Variants in PPP1R12B observed in about 807,000 individuals in gnomAD.
PPP1R12B encodes protein phosphatase 1 regulatory subunit 12B.
PPP1R12B carries 76 observed loss-of-function variants against 126.1 expected under a neutral mutation model. The observed-to-expected ratio is 0.60, with a 90% confidence interval of 0.50 to 0.73. The LOEUF is 0.73. Among genes scored for constraint, PPP1R12B ranks in the 30% least tolerant of loss-of-function variants. PPP1R12B has a pLI of 0.00. For synonymous variants in PPP1R12B, 356 were observed against 434.7 expected (o/e 0.82, Z 2.25); for missense variants, 1,052 against 1,205.1 (o/e 0.87, Z 1.88).
intron 8 of PPP1R12B, among the ~76,000 whole-genome samples, chr1:202,433,174 C>G (rs1484014476): frequency 2.0e-5 from 3 of 152,164 alleles, no homozygotes; most frequent in Non-Finnish European, 4.4e-5. Context: ...AAATGTTCAT[C>G]TTTTTGATAT....
intron 18 of PPP1R12B, among the ~76,000 whole-genome samples, chr1:202,512,208 CT>C (rs1681606574): frequency 6.6e-6 from 1 of 152,192 alleles, no homozygotes; most frequent in African/African-American, 2.4e-5. Context: ...TGTTGAATCT[CT>C]TGTTGTGAAA....
At chr1:202,359,110 T>C (rs1011500638) in intron 1 of PPP1R12B, among the ~76,000 whole-genome samples, 1 of 152,172 alleles carries the variant, frequency 6.6e-6, no homozygotes, top group Non-Finnish European at 1.5e-5. Flanking sequence ...TCCAGTATAC[T>C]GGATTATTTT....
intron 13 of PPP1R12B, among the ~76,000 whole-genome samples, chr1:202,451,700 G>A (rs538728794): frequency 1.1e-4 from 17 of 152,222 alleles, no homozygotes; most frequent in African/African-American, 2.4e-4. Flanking sequence ...CCTCCCAGAC[G>A]GGGTGGTGGC....
chr1:202,501,907 G>C, intron 18 of PPP1R12B: 1 of 984,882 alleles, frequency 1.0e-6, no homozygotes, highest in Non-Finnish European at 1.2e-6. Context: ...ACCTCCTTGA[G>C]TGAAGGAACG....
intron 9 of PPP1R12B, among the ~76,000 whole-genome samples, chr1:202,435,697 A>C (rs1670714636): frequency 6.6e-6 from 1 of 152,198 alleles, no homozygotes; most frequent in Non-Finnish European, 1.5e-5. Context: ...CTTTGGAATG[A>C]AGCTGTTGAA....
intron 1 of PPP1R12B, among the ~76,000 whole-genome samples, chr1:202,401,134 T>C (rs1403981896): frequency 2.6e-5 from 4 of 152,154 alleles, no homozygotes; most frequent in Admixed American, 1.3e-4. Context: ...CAGAGTTGAA[T>C]GTTTGCAAGA....
chr1:202,501,478 AG>A (rs1190087807), intron 18 of PPP1R12B, among the ~76,000 whole-genome samples: 3 of 152,188 alleles, frequency 2.0e-5, no homozygotes, highest in Non-Finnish European at 4.4e-5. Flanking sequence ...TTATCACTAG[AG>A]GGCACAAGTG....
At chr1:202,400,355 AC>A (rs1665643844) in intron 1 of PPP1R12B, among the ~76,000 whole-genome samples, 1 of 152,218 alleles carries the variant, frequency 6.6e-6, no homozygotes, top group Non-Finnish European at 1.5e-5. Flanking sequence ...GACTCTGCAT[AC>A]AAGGAGTCTT....
chr1:202,361,388 G>A (rs1319909035), intron 1 of PPP1R12B, among the ~76,000 whole-genome samples: 1 of 152,224 alleles, frequency 6.6e-6, no homozygotes, highest in East Asian at 1.9e-4. Flanking sequence ...AGGCAAAGGG[G>A]AAGCAGGTGC....
intron 18 of PPP1R12B, among the ~76,000 whole-genome samples, chr1:202,549,475 A>G: frequency 6.8e-6 from 1 of 145,996 alleles, no homozygotes; most frequent in Admixed American, 7.0e-5. Flanking sequence ...GCTGGAGTGC[A>G]GTGGCGTGAT....
In PPP1R12B at chr1:202,583,325, T is replaced by G. The variant is rs1689651401; in HGVS notation, c.*2765T>G. ...GCCTTTCAAAAGTACTGGGGGCAGA[T>G]TCTCAAAACTCTTAGATTGGTGTTG... On this transcript the variant is annotated 3_prime_UTR_variant, in exon 24 of 24. Coordinates refer to ENST00000608999, the MANE Select transcript of PPP1R12B (RefSeq NM_002481.4). The G allele has an allele frequency of 6.6e-6, 1 of 152,192 alleles. No homozygotes were observed. The highest frequency in any genetic ancestry group is 1.5e-5 in the Non-Finnish European group (1 of 68,030). The allele number at this position is 152,192 out of a possible 1,614,324, so 9.4% of individuals were successfully genotyped here.
chr1:202,375,877 A>G (rs1571678954), intron 1 of PPP1R12B, among the ~76,000 whole-genome samples: 1 of 152,308 alleles, frequency 6.6e-6, no homozygotes, highest in East Asian at 1.9e-4. Flanking sequence ...ACCTGTCATA[A>G]CACTTGTCAT....
chr1:202,363,266 C>T (rs1225933847), intron 1 of PPP1R12B, among the ~76,000 whole-genome samples: 5 of 152,176 alleles, frequency 3.3e-5, no homozygotes, highest in African/African-American at 1.2e-4. Context: ...GTGTCTTGCT[C>T]TCAGGCATCC....
At chr1:202,567,856 C>T in intron 22 of PPP1R12B, 25 bp downstream of exon 22, 1 of 1,611,510 alleles carries the variant, frequency 6.2e-7, no homozygotes, top group Admixed American at 1.7e-5. Flanking sequence ...GTTTCCCCCT[C>T]CACCCCATTT....
At chr1:202,490,947 C>T (rs1357860134) in intron 14 of PPP1R12B, among the ~76,000 whole-genome samples, 1 of 152,184 alleles carries the variant, frequency 6.6e-6, no homozygotes, top group Non-Finnish European at 1.5e-5. Flanking sequence ...CCCTGAAACC[C>T]TGCTTTCAAT....
At chr1:202,425,181 A>G (rs1669345767) in intron 3 of PPP1R12B, among the ~76,000 whole-genome samples, 1 of 152,184 alleles carries the variant, frequency 6.6e-6, no homozygotes, top group African/African-American at 2.4e-5. Context: ...GAAGATTGTA[A>G]TATCTATTAT....
At position 202,562,119 on chromosome 1, in the gene PPP1R12B, A is replaced by G. The variant is rs1424941074; in HGVS notation, c.2508-659A>G. ...GATCCTTCCCTTAATGAACTTACCA[A>G]TACTGGAAATAAAACCACTATCAAC... is the stretch of plus-strand genomic sequence containing the variant. On this transcript the variant is annotated intron_variant, in intron 19 of 23. Transcript: ENST00000608999. Among the ~76,000 whole-genome samples, 5 of 152,234 alleles carry G rather than the reference A, an allele frequency of 3.3e-5. No individual in the cohort carries two copies. In the South Asian group the frequency reaches 1.0e-3, roughly 32 times the overall value.
At chr1:202,372,095 T>G (rs1291803064) in intron 1 of PPP1R12B, among the ~76,000 whole-genome samples, 3 of 152,092 alleles carry the variant, frequency 2.0e-5, no homozygotes. Flanking sequence ...GGTCTTGAAC[T>G]CCTGACCTCA....
intron 23 of PPP1R12B, among the ~76,000 whole-genome samples, chr1:202,570,181 G>A (rs1688459085): frequency 6.6e-6 from 1 of 152,180 alleles, no homozygotes; most frequent in South Asian, 2.1e-4. Context: ...CAACTGGGAA[G>A]CCAAAGCACT....
Sources: allele counts gnomAD v4.1 joint callset (sites outside exome capture counted in the v4.1 genomes callset), GRCh38; gene constraint gnomAD v4.1.1; transcripts MANE v1.5; gene names NCBI Gene and HGNC (gene_info 2026-07-23, HGNC 2026-07-21).